Variants in RBMS3 observed in about 807,000 individuals in gnomAD.
RBMS3 encodes the protein RNA-binding motif, single-stranded-interacting protein 3.
Under a neutral mutation model 66.8 loss-of-function variants are expected in RBMS3, and 27 were observed. The observed-to-expected ratio is 0.40, with a 90% CI of 0.30 to 0.56. The LOEUF is 0.56. Among genes scored for constraint, RBMS3 ranks in the 20% least tolerant of loss-of-function variants. The pLI, the probability that RBMS3 is intolerant of heterozygous loss-of-function variation, is 0.40. For missense variants in RBMS3, 513 were observed against 549.5 expected (o/e 0.93, Z 0.66); for synonymous variants, 188 against 183.0 (o/e 1.03, Z -0.22).
At chr3:29,734,403 A>G (rs2054285593) in intron 4 of RBMS3, among the ~76,000 whole-genome samples, 1 of 152,118 alleles carries the variant, frequency 6.6e-6, no homozygotes, top group Non-Finnish European at 1.5e-5. Flanking sequence ...AAGGAGCTTG[A>G]ATGTTCCCAA....
intron 3 of RBMS3, among the ~76,000 whole-genome samples, chr3:29,540,363 A>C (rs1047882245): frequency 1.3e-5 from 2 of 152,316 alleles, no homozygotes; most frequent in African/African-American, 4.8e-5. Flanking sequence ...TGAAATTTCC[A>C]TTAGGCAGTT....
At chr3:29,696,970 C>A (rs1396285159) in intron 4 of RBMS3, 2 of 982,626 alleles carry the variant, frequency 2.0e-6, no homozygotes, top group African/African-American at 3.5e-5. Context: ...TTGTAGGTAC[C>A]CCTAGTAGTT....
At chr3:29,365,769 T>A (rs2037867566) in intron 1 of RBMS3, among the ~76,000 whole-genome samples, 1 of 152,168 alleles carries the variant, frequency 6.6e-6, no homozygotes, top group African/African-American at 2.4e-5. Flanking sequence ...CCTCTGTTAC[T>A]GAATGGAAAA....
intron 6 of RBMS3, among the ~76,000 whole-genome samples, chr3:29,774,118 A>G (rs182967702): frequency 6.6e-6 from 1 of 152,200 alleles, no homozygotes; most frequent in East Asian, 1.9e-4. Flanking sequence ...TTTGAGTTTT[A>G]CAGTCTCATC....
chr3:29,895,914 AC>A (rs986591025), intron 8 of RBMS3, among the ~76,000 whole-genome samples: 6 of 151,290 alleles, frequency 4.0e-5, no homozygotes, highest in African/African-American at 9.7e-5. Context: ...AAAAAAAAAA[AC>A]AACTTTGTAT....
At chr3:29,878,637 T>C (rs2059665992) in intron 7 of RBMS3, among the ~76,000 whole-genome samples, 1 of 152,176 alleles carries the variant, frequency 6.6e-6, no homozygotes, top group African/African-American at 2.4e-5. Flanking sequence ...TACATTACTT[T>C]CATAAATGAT....
intron 3 of RBMS3, among the ~76,000 whole-genome samples, chr3:29,550,677 A>C (rs2149031123): frequency 6.6e-6 from 1 of 152,284 alleles, no homozygotes; most frequent in South Asian, 2.1e-4. Flanking sequence ...TTCATGCAAT[A>C]TTTGGGACAT....
At chr3:29,892,843 G>GTATTTATTTATTTATTTATT (rs371501719) in intron 8 of RBMS3, among the ~76,000 whole-genome samples, 56 of 137,522 alleles carry the variant, frequency 4.1e-4, no homozygotes, top group African/African-American at 1.5e-3. Context: ...ATGTATGTAT[G>GTATTTATTTATTTATTTATT]TATTTATTTA....
intron 4 of RBMS3, among the ~76,000 whole-genome samples, chr3:29,643,451 A>G (rs2049801304): frequency 6.6e-6 from 1 of 151,940 alleles, no homozygotes. Flanking sequence ...TCTCATTCCT[A>G]CTTTTCCCCT....
rs1367804589 is a variant in RBMS3 at position 29,887,390 on chromosome 3, TC to T, written c.791+3187del. Among the ~76,000 whole-genome samples the T allele has an allele frequency of 4.0e-5, 6 of 151,850 alleles. No homozygotes were observed. In the South Asian group the frequency reaches 8.3e-4, roughly 21 times the overall value. ...AGGTAATAGAATCATGAGGGTGGTT[TC>T]CCCCATGCTATTCTCATGATAGTGA... On this transcript the variant is annotated intron_variant, in intron 8 of 14. Coordinates refer to ENST00000383767, the MANE Select transcript of RBMS3 (RefSeq NM_001003793.3).
At position 29,638,635 on chromosome 3, in the gene RBMS3, A is replaced by T. The variant is rs979579730; in HGVS notation, c.399+51430A>T. Among the ~76,000 whole-genome samples the T allele has an allele frequency of 5.9e-5, 9 of 151,824 alleles. 1 individual carries two copies. The highest frequency in any genetic ancestry group is 5.9e-4 in the Admixed American group (9 of 15,192). On this transcript the variant is annotated intron_variant, in intron 4 of 14. Coordinates refer to ENST00000383767, the MANE Select transcript of RBMS3 (RefSeq NM_001003793.3). ...CTTGCCGTCCTGGAACTACTAAAAG[A>T]TAGCCTCAATCCTGAAATGCTCAGT...
At position 29,329,749 on chromosome 3, in the gene RBMS3, C is replaced by T. The variant is rs539798205; in HGVS notation, c.75+47993C>T. Among the ~76,000 whole-genome samples the T allele has an allele frequency of 1.0e-3, 152 of 150,616 alleles. No individual in the cohort carries two copies. In the Middle Eastern group the frequency reaches 0.01, roughly 10 times the overall value. ...CTGAGTGGTAAACTGGTCTTTTACT[C>T]CTAATGGAATTTTTGTTCCTGACAT... On this transcript the variant is annotated intron_variant, in intron 1 of 14. Coordinates refer to ENST00000383767, the MANE Select transcript of RBMS3 (RefSeq NM_001003793.3).
intron 2 of RBMS3, among the ~76,000 whole-genome samples, chr3:29,440,198 GA>G (rs1250124115): frequency 1.3e-5 from 2 of 152,002 alleles, no homozygotes; most frequent in East Asian, 3.9e-4. Flanking sequence ...ATTTACAATG[GA>G]AAAAAATCAT....
intron 4 of RBMS3, among the ~76,000 whole-genome samples, chr3:29,637,553 G>T (rs1272942959): frequency 6.6e-6 from 1 of 151,826 alleles, no homozygotes; most frequent in African/African-American, 2.4e-5. Context: ...TTATCTTGGA[G>T]ATTGAGGCCT....
chr3:29,579,293 A>C (rs1421487664), intron 3 of RBMS3, among the ~76,000 whole-genome samples: 6 of 152,182 alleles, frequency 3.9e-5, no homozygotes, highest in Non-Finnish European at 4.4e-5. Context: ...GAGTACAAGC[A>C]TGCTTCCCAG....
intron 4 of RBMS3, among the ~76,000 whole-genome samples, chr3:29,673,808 G>A (rs998015880): frequency 2.6e-5 from 4 of 152,066 alleles, no homozygotes; most frequent in African/African-American, 4.8e-5. Context: ...ATTCACAGCC[G>A]AATTCTACTA....
intron 4 of RBMS3, among the ~76,000 whole-genome samples, chr3:29,630,066 AG>A (rs1320359825): frequency 6.6e-6 from 1 of 152,036 alleles, no homozygotes; most frequent in Admixed American, 6.6e-5. Context: ...GAAACTTAGT[AG>A]CCACACTCTA....
chr3:29,820,811 A>T (rs773758789), intron 6 of RBMS3, among the ~76,000 whole-genome samples: 2 of 152,162 alleles, frequency 1.3e-5, no homozygotes, highest in African/African-American at 4.8e-5. Flanking sequence ...GCATGGTAGC[A>T]GGTGCCTAAA....
At chr3:29,694,860 T>A (rs1413751651) in intron 4 of RBMS3, among the ~76,000 whole-genome samples, 2 of 152,018 alleles carry the variant, frequency 1.3e-5, no homozygotes, top group African/African-American at 2.4e-5. Context: ...AAATTTTTTT[T>A]TAAAAAAAAA....
Sources: allele counts gnomAD v4.1 joint callset (sites outside exome capture counted in the v4.1 genomes callset), GRCh38; gene constraint gnomAD v4.1.1; transcripts MANE v1.5; gene names NCBI Gene and HGNC (gene_info 2026-07-23, HGNC 2026-07-21).